The following WSB1 variants were observed in gnomAD, a reference collection of about 807,000 sequenced individuals.
WSB1 encodes WD repeat and SOCS box containing 1, also known as WD repeat and SOCS box-containing protein 1.
In WSB1, 23 loss-of-function variants were observed where a neutral mutation model predicts 50.2. The ratio of observed to expected loss-of-function variants is 0.46; its 90% CI spans 0.33 to 0.65. The LOEUF (loss-of-function observed/expected upper bound fraction) is 0.65, where lower values mean the gene tolerates loss of function less well. Ranked by LOEUF, WSB1 falls within the 30% of genes least tolerant of loss-of-function variation. WSB1 has a pLI of 0.02. For missense variants in WSB1, 492 were observed against 522.3 expected, an observed-to-expected ratio of 0.94 and a Z score of 0.56; for synonymous variants, 179 against 172.0, an observed-to-expected ratio of 1.04 and a Z score of -0.32.
At chr17:27,296,466 C>A (rs534134870) in intron 1 of WSB1, among the ~76,000 whole-genome samples, 21 of 151,460 alleles carry the variant, frequency 1.4e-4, no homozygotes, top group Non-Finnish European at 2.7e-4. Flanking sequence ...TACTTTTTTT[C>A]TTTTCTTGGG....
At chr17:27,307,847 G>A (rs529188348) in intron 5 of WSB1, 37 of 1,501,752 alleles carry the variant, frequency 2.5e-5, no homozygotes, top group South Asian at 3.8e-5. Flanking sequence ...TCTGGCTACC[G>A]GGCTGGGGGC....
chr17:27,307,519 T>C (rs1567690282), intron 5 of WSB1: 1 of 555,320 alleles, frequency 1.8e-6, no homozygotes. Context: ...TCCAAATACA[T>C]GTGATAATTA....
At chr17:27,297,969 C>A (rs553861013) in intron 1 of WSB1, among the ~76,000 whole-genome samples, 31 of 151,540 alleles carry the variant, frequency 2.0e-4, no homozygotes, top group African/African-American at 7.3e-4. Context: ...GTTAGCTGGG[C>A]GTGGTGGTGG....
At chr17:27,311,223 A>G (rs1421559975) in intron 7 of WSB1, among the ~76,000 whole-genome samples, 1 of 152,220 alleles carries the variant, frequency 6.6e-6, no homozygotes. Flanking sequence ...GTAGGAAAGT[A>G]AGGAGAAAGT....
intron 1 of WSB1, among the ~76,000 whole-genome samples, chr17:27,300,679 G>A (rs529784366): frequency 6.7e-6 from 1 of 150,126 alleles, no homozygotes; most frequent in Admixed American, 6.6e-5. Flanking sequence ...CAAATATAAT[G>A]CATTTTGGTT....
chr17:27,305,042 C>A, intron 4 of WSB1, 131 bp downstream of exon 4: 1 of 1,126,846 alleles, frequency 8.9e-7, no homozygotes, highest in Non-Finnish European at 1.3e-6. Context: ...TGCCTTAACA[C>A]TTAGGTTCCT....
chr17:27,295,290 G>A (rs758759465), intron 1 of WSB1, among the ~76,000 whole-genome samples: 2 of 152,194 alleles, frequency 1.3e-5, no homozygotes, highest in Non-Finnish European at 2.9e-5. Flanking sequence ...GTAATAATTA[G>A]CTGCGGCCGC....
chr17:27,297,253 C>T (rs1213646995), intron 1 of WSB1: 3 of 152,178 alleles, frequency 2.0e-5, no homozygotes, highest in African/African-American at 4.8e-5. Flanking sequence ...GCAACCTCCA[C>T]CTCTCGGGAT....
intron 5 of WSB1, chr17:27,307,903 G>A: frequency 7.0e-7 from 1 of 1,424,580 alleles, no homozygotes; most frequent in Non-Finnish European, 9.1e-7. Context: ...GCTGCAAGGT[G>A]TACTGTACGT....
chr17:27,297,726 G>A (rs988915708), intron 1 of WSB1, among the ~76,000 whole-genome samples: 4 of 152,272 alleles, frequency 2.6e-5, no homozygotes, highest in Non-Finnish European at 4.4e-5. Context: ...AAAGTGTTGG[G>A]ATTACCAGTG....
chr17:27,315,206 A>G lies in WSB1; in HGVS notation c.*2837A>G, dbSNP rs183360874. The G allele has an allele frequency of 2.6e-5, 4 of 152,328 alleles. No homozygotes were observed. Among genetic ancestry groups the G allele is most frequent in the Admixed American group, 2.6e-4 (4 of 15,294 alleles). 9.4% of individuals were successfully genotyped at this position (152,328 alleles called of 1,614,324 possible). On this transcript the variant is annotated 3_prime_UTR_variant, in exon 9 of 9. Transcript: ENST00000262394. ...TGGACTTGGATCAGATTCTAGCTAC[A>G]TGATTTGAAAATGACACTGCCTCTC...
intron 5 of WSB1, 181 bp from the exon 6 acceptor site, chr17:27,308,919 G>T (rs1332832549): frequency 8.2e-7 from 1 of 1,218,182 alleles, no homozygotes; most frequent in Non-Finnish European, 1.0e-6. Context: ...TTGCATGTCT[G>T]CCTTAATTAA....
At chr17:27,298,890 T>C (rs1445330387) in intron 1 of WSB1, among the ~76,000 whole-genome samples, 1 of 151,748 alleles carries the variant, frequency 6.6e-6, no homozygotes, top group Non-Finnish European at 1.5e-5. Flanking sequence ...TTGTTTTTTG[T>C]TTTTGTTTTT....
At position 27,303,433 on chromosome 17, in the gene WSB1, T is replaced by A. The variant is rs1210896757; in HGVS notation, c.276T>A (p.Asp92Glu). 1 of 1,614,058 alleles carries A rather than the reference T, an allele frequency of 6.2e-7. No homozygotes were observed. The highest frequency in any genetic ancestry group is 2.2e-5 in the East Asian group (1 of 44,872). ...SSLRLPRQNS[D>E]GGQKNKPREH... is the part of the protein sequence containing the mutation. ...TAAGATTGCCAAGACAAAATAGTGA[T>A]GGTGGTCAGAAAAATAAGCCTCGTG... is the stretch of plus-strand genomic sequence containing the variant. Residue 92 changes from aspartate to glutamate, a missense_variant, in exon 3 of 9, where the codon GAT (aspartate) becomes GAA (glutamate). Physicochemically the swap from Asp to Glu is conservative, Grantham distance 45 (BLOSUM62 2). Transcript: ENST00000262394.
rs1567692583 is a variant in WSB1, at chr17:27,310,072, C to T, written c.896C>T (p.Pro299Leu). ...ATATTTGACCTCAGGCACCTGTTTC[C>T]CCCACCTACTCCAATATTTGCTGGA... is the stretch of plus-strand genomic sequence containing the variant. ...DILMEFGHLFPPPTPIFAGGA... is the reference protein window; with the variant it reads ...DILMEFGHLFLPPTPIFAGGA... The change falls in exon 7 of 9, where the codon CCC becomes CTC. Residue 299 changes from proline (P) to leucine (L), a missense_variant. Transcript: ENST00000262394. 1 of 1,613,986 alleles carries T rather than the reference C, an allele frequency of 6.2e-7. No homozygotes were observed. Among genetic ancestry groups the T allele is most frequent in the Admixed American group, 1.7e-5 (1 of 60,012 alleles).
chr17:27,309,205 A>G lies in WSB1; in HGVS notation c.817A>G (p.Thr273Ala). 1 of 1,613,296 alleles carries G rather than the reference A, an allele frequency of 6.2e-7. No homozygotes were observed. Among genetic ancestry groups the G allele is most frequent in the Non-Finnish European group, 8.5e-7 (1 of 1,179,628 alleles). ...TTCTCCTGATGGAGCATTACTGGCT[A>G]CTGCATCTTATGATACTCGAGTATA... ...DFSPDGALLA[T>A]ASYDTRVYIW... The change falls in exon 6 of 9, where the codon ACT becomes GCT. Residue 273 changes from threonine to alanine, a missense_variant. Thr to Ala is a moderately conservative substitution (Grantham distance 58, BLOSUM62 0). Transcript: ENST00000262394.
rs1248764489 is a variant in WSB1, at chr17:27,313,453, A to C, written c.*1084A>C. ...ACCATGGATTTAAAAAAAAAAAAAA[A>C]AACTCTGTTTCTGCAGGGGATGATA... On this transcript the variant is annotated 3_prime_UTR_variant, in exon 9 of 9. Transcript: ENST00000262394. 6.6e-6 allele frequency: 1 copy of C among 152,432 alleles called. No individual in the cohort carries two copies. The highest frequency in any genetic ancestry group is 2.4e-5 in the African/African-American group (1 of 41,416). 9.4% of individuals were successfully genotyped at this position (152,432 alleles called of 1,614,324 possible).
chr17:27,295,901 G>T (rs1310241358), intron 1 of WSB1, among the ~76,000 whole-genome samples: 2 of 151,142 alleles, frequency 1.3e-5, no homozygotes, highest in Non-Finnish European at 2.9e-5. Flanking sequence ...GCAATGGCAC[G>T]ATCTCGGCTC....
chr17:27,303,426 A>C lies in WSB1; in HGVS notation c.269A>C (p.Asn90Thr), dbSNP rs1204358153. The C allele has an allele frequency of 3.1e-6, 5 of 1,614,132 alleles. No individual in the cohort carries two copies. The highest frequency in any genetic ancestry group is 4.2e-6 in the Non-Finnish European group (5 of 1,180,022). ...AGCAGTTTAAGATTGCCAAGACAAAATAGTGATGGTGGTCAGAAAAATAAG... is the reference window on the plus strand; with the variant it reads ...AGCAGTTTAAGATTGCCAAGACAAACTAGTGATGGTGGTCAGAAAAATAAG... Reference protein sequence around the residue: ...NSSSLRLPRQNSDGGQKNKPR... With the variant: ...NSSSLRLPRQTSDGGQKNKPR... The change falls in exon 3 of 9, where the codon AAT becomes ACT. Residue 90 changes from asparagine to threonine, a missense_variant. Coordinates refer to ENST00000262394, the MANE Select transcript of WSB1 (RefSeq NM_015626.10).
Sources: gnomAD v4.1 joint callset for allele counts (sites outside exome capture counted in the v4.1 genomes callset) on GRCh38, gnomAD v4.1.1 for gene constraint, MANE v1.5 for transcripts, NCBI Gene and HGNC (gene_info 2026-07-23, HGNC 2026-07-21) for gene names.